USP54: variants seen among roughly 807,000 people sequenced by gnomAD.
USP54 encodes ubiquitin specific peptidase 54.
A neutral mutation model predicts 170.5 loss-of-function variants in USP54; 87 were observed. The observed-to-expected ratio is 0.51, with a 90% CI of 0.43 to 0.61. The LOEUF is 0.61. Among genes scored for constraint, USP54 ranks in the 20% least tolerant of loss-of-function variants. The pLI, the probability that USP54 is intolerant of heterozygous loss-of-function variation, is 0.00. For synonymous variants in USP54, 655 were observed against 742.8 expected, an observed-to-expected ratio of 0.88 and a Z score of 1.92; for missense variants, 1,786 against 2,047.8, an observed-to-expected ratio of 0.87 and a Z score of 2.47.
intron 1 of USP54, among the ~76,000 whole-genome samples, chr10:73,624,190 A>ATATATATATG (rs2081318109): frequency 8.7e-6 from 1 of 114,770 alleles, no homozygotes; most frequent in Non-Finnish European, 1.8e-5. Context: ...ATATATATAT[A>ATATATATATG]TATATGTATT....
chr10:73,565,680 C>T (rs1008671159), intron 4 of USP54, among the ~76,000 whole-genome samples: 5 of 152,102 alleles, frequency 3.3e-5, no homozygotes, highest in Non-Finnish European at 7.3e-5. Context: ...ATGAGTACCA[C>T]CACACTGGAA....
chr10:73,575,948 C>T lies in USP54; in HGVS notation c.-168G>A. The T allele has an allele frequency of 4.7e-6, 1 of 210,622 alleles. No homozygotes were observed. The highest frequency in any genetic ancestry group is 1.6e-4 in the South Asian group (1 of 6,340). The allele number at this position is 210,622 out of a possible 1,614,324, so 13.0% of individuals were successfully genotyped here. ...AGAAATCCTTAAGTATTGCTTCCTT[C>T]TATTTTTCTTGAACAGCCTCCATAA... On this transcript the variant is annotated 5_prime_UTR_variant, in exon 2 of 24. It removes the in-frame stop codon of an upstream open reading frame in the 5' UTR. Transcript: ENST00000687698.
intron 4 of USP54, among the ~76,000 whole-genome samples, chr10:73,550,246 C>A (rs947279378): frequency 6.6e-6 from 1 of 152,150 alleles, no homozygotes; most frequent in African/African-American, 2.4e-5. Context: ...TTCTGGTTCA[C>A]CCTACACCAG....
rs1261431261 is a variant in USP54, at chr10:73,523,631, T to C, written c.2314A>G (p.Asn772Asp). ...TCCATGAAGCGGCTAGGATGAGGGT[T>C]AAACCCTTTCGCTGCCTCTAACTCC... Reference protein sequence around the residue: ...EKELEAAKGFNPHPSRFMDLD... With the variant: ...EKELEAAKGFDPHPSRFMDLD... Residue 772 changes from asparagine to aspartate, a missense_variant, in exon 17 of 24, where the codon AAC becomes GAC. Physicochemically the swap from Asn to Asp is conservative, Grantham distance 23. Transcript: ENST00000687698. 1 of 1,613,566 alleles carries C rather than the reference T, an allele frequency of 6.2e-7. No individual in the cohort carries two copies. Among genetic ancestry groups the C allele is most frequent in the Non-Finnish European group, 8.5e-7 (1 of 1,179,574 alleles).
intron 1 of USP54, among the ~76,000 whole-genome samples, chr10:73,578,980 G>A (rs1237934741): frequency 7.2e-6 from 1 of 138,648 alleles, no homozygotes; most frequent in East Asian, 2.1e-4. Context: ...TCCCTCTGTC[G>A]CCCAGGTTGG....
intron 11 of USP54, among the ~76,000 whole-genome samples, chr10:73,535,935 T>C (rs758036025): frequency 1.8e-4 from 28 of 152,216 alleles, no homozygotes; most frequent in Non-Finnish European, 3.5e-4. Flanking sequence ...ATTAAGTCAC[T>C]GGTAAATTGC....
chr10:73,613,533 T>C (rs938932117), intron 1 of USP54, among the ~76,000 whole-genome samples: 1 of 151,396 alleles, frequency 6.6e-6, no homozygotes, highest in Non-Finnish European at 1.5e-5. Context: ...AAGAAAAAAA[T>C]TGCATATGCC....
chr10:73,586,840 C>T (rs950468844), intron 1 of USP54, among the ~76,000 whole-genome samples: 2 of 152,176 alleles, frequency 1.3e-5, no homozygotes, highest in Non-Finnish European at 2.9e-5. Flanking sequence ...AGTTACTCAA[C>T]TCAAACAATT....
Position 73,516,984 on chromosome 10 carries a change from T to C in USP54, c.3442A>G (p.Thr1148Ala), listed in dbSNP as rs141936153. The part of the protein sequence containing the change: ...RMQGVSMRDS[T>A]GFKDRSLSGS... ...GACAAACTTCTATCCTTGAAACCTG[T>C]ACTATCCCTCATGGAGACACCCTGC... Residue 1148 changes from threonine to alanine, a missense_variant, in exon 20 of 24, where the codon ACA becomes GCA. By Grantham distance (58) the Thr-to-Ala change is moderately conservative. Coordinates refer to ENST00000687698, the MANE Select transcript of USP54 (RefSeq NM_001391956.1). The C allele has an allele frequency of 6.6e-5, 106 of 1,614,124 alleles. No homozygotes were observed. Among genetic ancestry groups the C allele is most frequent in the Admixed American group, 5.7e-4 (34 of 60,010 alleles).
chr10:73,580,440 C>T (rs552894436), intron 1 of USP54, among the ~76,000 whole-genome samples: 136 of 151,722 alleles, frequency 9.0e-4, no homozygotes, highest in Non-Finnish European at 1.4e-3. Flanking sequence ...AAGAAGAGAC[C>T]GCATATACAA....
chr10:73,604,453 T>C (rs1172313055), intron 1 of USP54, among the ~76,000 whole-genome samples: 1 of 151,718 alleles, frequency 6.6e-6, no homozygotes, highest in Admixed American at 6.6e-5. Context: ...GAACTGAAAG[T>C]ATGCTCTCAA....
intron 1 of USP54, among the ~76,000 whole-genome samples, chr10:73,587,998 A>G (rs1160952386): frequency 6.6e-6 from 1 of 152,190 alleles, no homozygotes; most frequent in African/African-American, 2.4e-5. Flanking sequence ...GGAATTCCAT[A>G]AAGAGTAACT....
At chr10:73,584,676 T>C (rs892259071) in intron 1 of USP54, among the ~76,000 whole-genome samples, 2 of 152,168 alleles carry the variant, frequency 1.3e-5, no homozygotes, top group African/African-American at 2.4e-5. Context: ...CTATAATTTA[T>C]AAATAATCTA....
At position 73,517,246 on chromosome 10, in the gene USP54, T is replaced by C; in HGVS notation, c.3180A>G (p.Ser1060=). 6.2e-7 allele frequency: 1 copy of C among 1,614,206 alleles called. No individual in the cohort carries two copies. The highest frequency in any genetic ancestry group is 8.5e-7 in the Non-Finnish European group (1 of 1,180,010). The part of the protein sequence containing the change: ...EHSLGCSPSN[S]SAQPSLPLYR... The stretch of plus-strand genomic sequence containing the variant: ...ACAGGGGAAGGCTGGGCTGAGCTGA[T>C]GAATTTGAAGGACTACAGCCTAGGC... The change falls in exon 20 of 24, where the codon TCA becomes TCG. Residue 1060 remains serine, a synonymous_variant. Coordinates refer to ENST00000687698, the MANE Select transcript of USP54 (RefSeq NM_001391956.1).
chr10:73,574,954 C>T (rs113209127), intron 3 of USP54, among the ~76,000 whole-genome samples: 5,343 of 151,690 alleles, frequency 0.035, 151 homozygotes, highest in South Asian at 0.12. Context: ...AGGCCAGGCA[C>T]GGTGGTTCAT....
At position 73,519,841 on chromosome 10, in the gene USP54, T is replaced by A; in HGVS notation, c.2634A>T (p.Ser878=). The change falls in exon 19 of 24, where the codon TCA becomes TCT. Residue 878 remains serine (S), a synonymous_variant. Coordinates refer to ENST00000687698, the MANE Select transcript of USP54 (RefSeq NM_001391956.1). Reference sequence around the variant, plus strand: ...TCCCCGCCTGTGTTGGGAGGCAGGCTGAGGGCTGCGACGGCTGCTGTGGTG... The same window carrying A: ...TCCCCGCCTGTGTTGGGAGGCAGGCAGAGGGCTGCGACGGCTGCTGTGGTG... The part of the protein sequence containing the change: ...QQSPQQPSQP[S]ACLPTQAGTL... 6.2e-7 allele frequency: 1 copy of A among 1,614,122 alleles called. No homozygotes were observed. Among genetic ancestry groups the A allele is most frequent in the East Asian group, 2.2e-5 (1 of 44,874 alleles).
chr10:73,500,800 G>A lies in USP54; in HGVS notation c.4350C>T (p.His1450=), dbSNP rs751312300. Residue 1450 remains histidine, a synonymous_variant, in exon 23 of 24, where the codon CAC becomes CAT. Transcript: ENST00000687698. ...GGAGGGAAGAGGAGCTGGAACAACG[G>A]TGCCCGGTTTCCAAAGGCTTCCTCA... ...SNVRKPLETG[H]RCSSSSSLPV... is the part of the protein sequence containing the mutation. 1.9e-6 allele frequency: 3 copies of A among 1,599,246 alleles called. No individual in the cohort carries two copies. Among genetic ancestry groups the A allele is most frequent in the South Asian group, 1.1e-5 (1 of 89,196 alleles).
intron 20 of USP54, among the ~76,000 whole-genome samples, chr10:73,515,624 T>C (rs893282068): frequency 1.3e-5 from 2 of 152,272 alleles, no homozygotes; most frequent in Middle Eastern, 3.4e-3. Context: ...CAGTATGATC[T>C]GGAAATGTCC....
chr10:73,590,668 CA>C (rs1004704875), intron 1 of USP54, among the ~76,000 whole-genome samples: 2 of 152,068 alleles, frequency 1.3e-5, no homozygotes, highest in African/African-American at 4.8e-5. Flanking sequence ...TGCTAATGAA[CA>C]AATTTATCTA....
Sources: allele counts gnomAD v4.1 joint callset (sites outside exome capture counted in the v4.1 genomes callset), GRCh38; gene constraint gnomAD v4.1.1; transcripts MANE v1.5; gene names NCBI Gene and HGNC (gene_info 2026-07-23, HGNC 2026-07-21).